Variants in PGM5 observed in about 807,000 individuals in gnomAD.
PGM5 encodes the protein phosphoglucomutase-like protein 5.
PGM5 carries 23 observed loss-of-function variants against 59.2 expected under a neutral mutation model. The ratio of observed to expected loss-of-function variants is 0.39; its 90% CI spans 0.28 to 0.55. The LOEUF (loss-of-function observed/expected upper bound fraction) is 0.55. PGM5 is among the 20% of genes least tolerant of loss of function. PGM5 has a pLI of 0.66. For missense variants in PGM5, 574 were observed against 748.3 expected (o/e 0.77, Z 2.72); for synonymous variants, 214 against 286.0 (o/e 0.75, Z 2.54).
intron 6 of PGM5, among the ~76,000 whole-genome samples, chr9:68,438,503 A>C (rs1823475605): frequency 6.6e-6 from 1 of 152,124 alleles, no homozygotes; most frequent in South Asian, 2.1e-4. Context: ...GAATGTTGAA[A>C]AAGCTTCCCA....
intron 6 of PGM5, among the ~76,000 whole-genome samples, chr9:68,431,166 G>A (rs548755466): frequency 2.0e-5 from 3 of 152,270 alleles, no homozygotes; most frequent in African/African-American, 7.2e-5. Context: ...TAGCCACATC[G>A]TCTAAGGTTC....
At chr9:68,378,582 T>C (rs1218914810) in intron 2 of PGM5, among the ~76,000 whole-genome samples, 1 of 152,018 alleles carries the variant, frequency 6.6e-6, no homozygotes, top group Non-Finnish European at 1.5e-5. Flanking sequence ...GCATAAACTA[T>C]TGAATAGTTG....
intron 9 of PGM5, among the ~76,000 whole-genome samples, chr9:68,491,655 T>C (rs1371547167): frequency 6.6e-6 from 1 of 152,210 alleles, no homozygotes; most frequent in Non-Finnish European, 1.5e-5. Flanking sequence ...ATTTGTCCTC[T>C]GAAGGCCAAA....
intron 6 of PGM5, among the ~76,000 whole-genome samples, chr9:68,457,426 A>C (rs1823795322): frequency 6.6e-6 from 1 of 152,202 alleles, no homozygotes; most frequent in Non-Finnish European, 1.5e-5. Context: ...CCCATGCCTC[A>C]CAGAATTACT....
At chr9:68,445,399 T>C (rs1554683949) in intron 6 of PGM5, among the ~76,000 whole-genome samples, 1 of 152,166 alleles carries the variant, frequency 6.6e-6, no homozygotes, top group Admixed American at 6.5e-5. Context: ...GGAAACCCCA[T>C]CCATTGGAGC....
At chr9:68,480,999 G>A (rs1364237491) in intron 8 of PGM5, among the ~76,000 whole-genome samples, 1 of 152,196 alleles carries the variant, frequency 6.6e-6, no homozygotes, top group Non-Finnish European at 1.5e-5. Context: ...GGTGGGGCAA[G>A]GGAATCCTTG....
At chr9:68,376,600 T>C (rs1316460852) in intron 1 of PGM5, among the ~76,000 whole-genome samples, 2 of 151,610 alleles carry the variant, frequency 1.3e-5, no homozygotes, top group Non-Finnish European at 2.9e-5. Flanking sequence ...CCTCTAGCAA[T>C]GATGGTGCCA....
chr9:68,503,317 CA>C (rs2132108160), intron 10 of PGM5, among the ~76,000 whole-genome samples: 1 of 152,314 alleles, frequency 6.6e-6, no homozygotes, highest in Non-Finnish European at 1.5e-5. Flanking sequence ...CTACCTTGAA[CA>C]AACTCAGAAC....
At chr9:68,385,378 C>T (rs1404285396) in intron 3 of PGM5, among the ~76,000 whole-genome samples, 1 of 152,202 alleles carries the variant, frequency 6.6e-6, no homozygotes, top group East Asian at 1.9e-4. Context: ...AGTAATTTAA[C>T]TTAGCCCAAA....
intron 9 of PGM5, among the ~76,000 whole-genome samples, chr9:68,493,824 G>A (rs1253978765): frequency 6.6e-6 from 1 of 152,182 alleles, no homozygotes; most frequent in Non-Finnish European, 1.5e-5. Context: ...AATCCAGGGA[G>A]AAAAAGAGAT....
At chr9:68,367,336 G>T (rs1315160016) in intron 1 of PGM5, among the ~76,000 whole-genome samples, 1 of 152,064 alleles carries the variant, frequency 6.6e-6, no homozygotes, top group African/African-American at 2.4e-5. Flanking sequence ...GCCCTCTACT[G>T]AAGCCAGATC....
intron 7 of PGM5, among the ~76,000 whole-genome samples, chr9:68,468,016 C>T (rs1304169922): frequency 6.7e-6 from 1 of 149,990 alleles, no homozygotes; most frequent in Non-Finnish European, 1.5e-5. Flanking sequence ...TACAACCCAC[C>T]CTCCCTTCCT....
intron 10 of PGM5, among the ~76,000 whole-genome samples, chr9:68,515,824 A>G (rs1824815629): frequency 6.6e-6 from 1 of 152,228 alleles, no homozygotes; most frequent in Admixed American, 6.5e-5. Context: ...ACTATCTACC[A>G]AAGGTCAGCT....
chr9:68,370,341 C>T (rs1821660707), intron 1 of PGM5, among the ~76,000 whole-genome samples: 3 of 152,130 alleles, frequency 2.0e-5, no homozygotes, highest in Admixed American at 2.0e-4. Context: ...TGATTTAAGA[C>T]ATTTCACACA....
rs540669278 is a variant in PGM5 at position 68,374,663 on chromosome 9, C to A, written c.262-3536C>A. Among the ~76,000 whole-genome samples the A allele has an allele frequency of 3.0e-4, 45 of 151,382 alleles. No homozygotes were observed. In the South Asian group the frequency reaches 5.5e-3, roughly 18 times the overall value. ...CTGGCTGTTAGCCTCCCATCTGATCCTCCTCTTTCCGCTCCTGCCACTCTT... is the reference window on the plus strand; with the variant it reads ...CTGGCTGTTAGCCTCCCATCTGATCATCCTCTTTCCGCTCCTGCCACTCTT... On this transcript the variant is annotated intron_variant, in intron 1 of 10. Coordinates refer to ENST00000396396, the MANE Select transcript of PGM5 (RefSeq NM_021965.4).
chr9:68,463,804 G>A (rs1823892622), intron 6 of PGM5, among the ~76,000 whole-genome samples: 2 of 152,064 alleles, frequency 1.3e-5, no homozygotes, highest in Admixed American at 1.3e-4. Flanking sequence ...ATTTAATGCT[G>A]GCAATACAGC....
chr9:68,359,872 C>T (rs1179547035), intron 1 of PGM5, among the ~76,000 whole-genome samples: 1 of 152,112 alleles, frequency 6.6e-6, no homozygotes, highest in Non-Finnish European at 1.5e-5. Flanking sequence ...GAGACTGGGT[C>T]TCACTTTGTT....
At chr9:68,507,042 G>T (rs966013944) in intron 10 of PGM5, among the ~76,000 whole-genome samples, 1 of 152,096 alleles carries the variant, frequency 6.6e-6, no homozygotes, top group Admixed American at 6.6e-5. Context: ...TATTTAAAAA[G>T]AAAACCTGAG....
intron 1 of PGM5, among the ~76,000 whole-genome samples, chr9:68,363,743 T>A (rs1404146784): frequency 7.9e-5 from 12 of 152,308 alleles, no homozygotes; most frequent in African/African-American, 2.9e-4. Context: ...GAATTTTGTT[T>A]TTGGTTTTCA....
Sources: gnomAD v4.1 joint callset for allele counts (sites outside exome capture counted in the v4.1 genomes callset) on GRCh38, gnomAD v4.1.1 for gene constraint, MANE v1.5 for transcripts, NCBI Gene and HGNC (gene_info 2026-07-23, HGNC 2026-07-21) for gene names.